The following SLC14A2 variants were observed in gnomAD, a reference collection of about 807,000 sequenced individuals.
SLC14A2 encodes solute carrier family 14 member 2, also known as urea transporter 2.
In SLC14A2, 91 loss-of-function variants were observed where a neutral mutation model predicts 104.6. That is an observed-to-expected ratio of 0.87 (90% CI 0.73 to 1.04). The LOEUF (loss-of-function observed/expected upper bound fraction) is 1.04. Among genes scored for constraint, SLC14A2 ranks in the 50% least tolerant of loss-of-function variants. The probability of loss-of-function intolerance (pLI) is 0.00; values close to 1 mark genes in which losing one functional copy is unlikely to be tolerated. For synonymous variants in SLC14A2, 476 were observed against 466.4 expected (o/e 1.02, Z -0.27); for missense variants, 1,189 against 1,156.0 (o/e 1.03, Z -0.41).
chr18:45,639,306 C>A (rs968830934), intron 6 of SLC14A2, among the ~76,000 whole-genome samples: 5 of 152,322 alleles, frequency 3.3e-5, no homozygotes, highest in South Asian at 2.1e-4. Flanking sequence ...ACTTGACCAA[C>A]AACAGGCTGG....
chr18:45,598,384 C>G (rs913016439), intron 2 of SLC14A2, among the ~76,000 whole-genome samples: 1 of 152,108 alleles, frequency 6.6e-6, no homozygotes, highest in Non-Finnish European at 1.5e-5. Flanking sequence ...TGGGTCTGCT[C>G]AGGAGAGTGG....
At chr18:45,250,978 G>A (rs1273669596) in intron 1 of SLC14A2, among the ~76,000 whole-genome samples, 1 of 152,038 alleles carries the variant, frequency 6.6e-6, no homozygotes, top group Non-Finnish European at 1.5e-5. Context: ...GAGAAATCAG[G>A]TTGAGAAAAC....
intron 2 of SLC14A2, chr18:45,542,145 C>T: frequency 7.1e-6 from 1 of 140,698 alleles, no homozygotes; most frequent in Non-Finnish European, 1.5e-5. Context: ...CTGAAATAGC[C>T]TCTAGCATTA....
At chr18:45,373,460 A>C (rs1409214179) in intron 1 of SLC14A2, among the ~76,000 whole-genome samples, 1 of 152,188 alleles carries the variant, frequency 6.6e-6, no homozygotes, top group Non-Finnish European at 1.5e-5. Flanking sequence ...CATAGCAAAT[A>C]GTTCCTACAG....
intron 1 of SLC14A2, among the ~76,000 whole-genome samples, chr18:45,382,231 G>C (rs1422730584): frequency 1.3e-5 from 2 of 152,158 alleles, no homozygotes; most frequent in Non-Finnish European, 2.9e-5. Flanking sequence ...GTATGCTTAA[G>C]TTATTGCTAT....
At chr18:45,582,833 C>T (rs2044514001) in intron 2 of SLC14A2, among the ~76,000 whole-genome samples, 3 of 152,130 alleles carry the variant, frequency 2.0e-5, no homozygotes, top group Admixed American at 2.0e-4. Context: ...CAAAGTTACC[C>T]ACCCCCCTTA....
chr18:45,379,198 C>G (rs1345561500), intron 1 of SLC14A2, among the ~76,000 whole-genome samples: 1 of 152,192 alleles, frequency 6.6e-6, no homozygotes, highest in Admixed American at 6.5e-5. Flanking sequence ...CACAAAACAT[C>G]CTCCAGGTTA....
upstream of SLC14A2, among the ~76,000 whole-genome samples, chr18:45,612,558 GCATT>G (rs1322409734): frequency 6.6e-6 from 1 of 152,206 alleles, no homozygotes; most frequent in African/African-American, 2.4e-5. Context: ...CAACTTGCAT[GCATT>G]ATTTCTTCTG....
intron 1 of SLC14A2, among the ~76,000 whole-genome samples, chr18:45,336,996 GT>G (rs796526413): frequency 5.6e-4 from 81 of 144,680 alleles, no homozygotes; most frequent in East Asian, 1.8e-3. Context: ...TTATAGCCTA[GT>G]TTTTTTTTTT....
chr18:45,197,133 A>G, the SLC14A2 span, among the ~76,000 whole-genome samples: 158 of 152,332 alleles, frequency 1.0e-3, no homozygotes, highest in South Asian at 4.6e-3. Context: ...CACACTCCAG[A>G]AAAAAACAGC....
intron 1 of SLC14A2, among the ~76,000 whole-genome samples, chr18:45,346,157 TCTC>T (rs1439287692): frequency 2.0e-5 from 3 of 152,184 alleles, no homozygotes; most frequent in Non-Finnish European, 2.9e-5. Context: ...TCTACTGGGT[TCTC>T]CTTTTTTTTC....
chr18:45,668,860 A>T (rs961302786), intron 15 of SLC14A2, among the ~76,000 whole-genome samples: 4 of 152,202 alleles, frequency 2.6e-5, no homozygotes, highest in Admixed American at 2.6e-4. Flanking sequence ...TGAGCAGACC[A>T]AGACCACCTC....
At chr18:45,188,841 A>G in the SLC14A2 span, among the ~76,000 whole-genome samples, 1 of 152,222 alleles carries the variant, frequency 6.6e-6, no homozygotes, top group African/African-American at 2.4e-5. Context: ...GACAATTGAG[A>G]GTTCAGGACA....
At chr18:45,438,408 T>G (rs528334050) in intron 1 of SLC14A2, 4 of 152,030 alleles carry the variant, frequency 2.6e-5, no homozygotes, top group African/African-American at 7.2e-5. Flanking sequence ...CTGTTATCTG[T>G]ATCTACACAT....
At chr18:45,262,627 G>A (rs1000560160) in intron 1 of SLC14A2, among the ~76,000 whole-genome samples, 3 of 152,130 alleles carry the variant, frequency 2.0e-5, no homozygotes, top group African/African-American at 4.8e-5. Context: ...GCTAGAACCC[G>A]ATAAAAATAA....
intron 1 of SLC14A2, among the ~76,000 whole-genome samples, chr18:45,300,881 T>A (rs1363988292): frequency 1.3e-5 from 2 of 152,138 alleles, no homozygotes; most frequent in Non-Finnish European, 2.9e-5. Flanking sequence ...TCCTCCAGTC[T>A]CCTCTCCCCG....
intron 2 of SLC14A2, among the ~76,000 whole-genome samples, chr18:45,625,031 C>G (rs886839428): frequency 6.6e-6 from 1 of 152,208 alleles, no homozygotes; most frequent in African/African-American, 2.4e-5. Context: ...TACAGACACT[C>G]ACTCACCAGT....
chr18:45,197,760 T>A, the SLC14A2 span, among the ~76,000 whole-genome samples: 9 of 152,240 alleles, frequency 5.9e-5, no homozygotes, highest in Non-Finnish European at 1.3e-4. Flanking sequence ...GTGTGACCAT[T>A]CATGTTGAAA....
rs1304607876 is a variant in SLC14A2, at chr18:45,521,593, AT to A, written c.-35+38279del. Among the ~76,000 whole-genome samples the A allele has an allele frequency of 4.6e-5, 7 of 152,068 alleles. 1 individual carries two copies. The highest frequency in any genetic ancestry group is 1.7e-4 in the African/African-American group (7 of 41,488). ...AGAAAGTAACCCTGTTTCCTTTTTC[AT>A]TTTTTTTCTTTTTTAAATAAAATTA... On this transcript the variant is annotated intron_variant, in intron 2 of 20. Coordinates refer to the SLC14A2 transcript ENST00000586448.
Sources: gnomAD v4.1 joint callset for allele counts (sites outside exome capture counted in the v4.1 genomes callset) on GRCh38, gnomAD v4.1.1 for gene constraint, MANE v1.5 for transcripts, NCBI Gene and HGNC (gene_info 2026-07-23, HGNC 2026-07-21) for gene names.